SLC39A11: variants seen among roughly 807,000 people sequenced by gnomAD.
SLC39A11 encodes the protein solute carrier family 39 member 11.
SLC39A11 carries 33 observed loss-of-function variants against 36.1 expected under a neutral mutation model. The ratio of observed to expected loss-of-function variants is 0.91; its 90% CI spans 0.69 to 1.22. SLC39A11 has a LOEUF of 1.22. SLC39A11 is among the 50% of genes most tolerant of loss of function. The pLI is 0.00. For synonymous variants in SLC39A11, 166 were observed against 170.3 expected, an observed-to-expected ratio of 0.97 and a Z score of 0.20; for missense variants, 432 against 430.3, an observed-to-expected ratio of 1.00 and a Z score of -0.03.
At chr17:72,898,292 A>T (rs1009385922) in intron 5 of SLC39A11, among the ~76,000 whole-genome samples, 1 of 152,196 alleles carries the variant, frequency 6.6e-6, no homozygotes, top group African/African-American at 2.4e-5. Flanking sequence ...AAGGGGCTGG[A>T]GCATCCGAGT....
At chr17:72,702,407 A>G (rs953675671) in intron 7 of SLC39A11, among the ~76,000 whole-genome samples, 6 of 152,158 alleles carry the variant, frequency 3.9e-5, no homozygotes, top group African/African-American at 1.4e-4. Flanking sequence ...GGTTGTCACA[A>G]CTAGGGGGAA....
chr17:72,948,989 C>T (rs2085639698), intron 4 of SLC39A11, among the ~76,000 whole-genome samples: 1 of 152,022 alleles, frequency 6.6e-6, no homozygotes, highest in African/African-American at 2.4e-5. Flanking sequence ...ACTCAACCAA[C>T]TACACAAGCA....
At chr17:73,034,857 C>G (rs573901848) in intron 3 of SLC39A11, among the ~76,000 whole-genome samples, 3 of 152,276 alleles carry the variant, frequency 2.0e-5, no homozygotes, top group Non-Finnish European at 4.4e-5. Context: ...GGAGCAGGAG[C>G]AGAAGAGAAG....
At chr17:72,729,446 TATA>T (rs2074113862) in intron 7 of SLC39A11, among the ~76,000 whole-genome samples, 3 of 9,568 alleles carry the variant, frequency 3.1e-4, no homozygotes, top group African/African-American at 1.3e-3. Flanking sequence ...TATATATATA[TATA>T]TATATATATT....
At chr17:72,978,488 G>T (rs767902274) in intron 4 of SLC39A11, among the ~76,000 whole-genome samples, 6 of 152,212 alleles carry the variant, frequency 3.9e-5, no homozygotes, top group Non-Finnish European at 8.8e-5. Context: ...CACATTGTGG[G>T]GGGTCAGGGA....
chr17:72,689,661 A>T (rs893308315), intron 7 of SLC39A11, among the ~76,000 whole-genome samples: 4 of 152,214 alleles, frequency 2.6e-5, no homozygotes, highest in African/African-American at 9.6e-5. Context: ...AACCTCAAAA[A>T]CATCCATGCT....
chr17:72,676,102 A>ACACACACACACACACT (rs869131230), intron 7 of SLC39A11, among the ~76,000 whole-genome samples: 4 of 151,006 alleles, frequency 2.6e-5, no homozygotes, highest in Non-Finnish European at 5.9e-5. Context: ...ACACACACAC[A>ACACACACACACACACT]CTTGCTGTAT....
chr17:72,795,058 C>G (rs375357790), intron 6 of SLC39A11, among the ~76,000 whole-genome samples: 2 of 152,120 alleles, frequency 1.3e-5, no homozygotes, highest in East Asian at 3.8e-4. Flanking sequence ...TTTTCAGGTA[C>G]GCAGAGTATC....
chr17:72,753,440 A>G (rs1310127791), intron 6 of SLC39A11, among the ~76,000 whole-genome samples: 2 of 152,136 alleles, frequency 1.3e-5, no homozygotes, highest in Non-Finnish European at 2.9e-5. Flanking sequence ...CAATTATACG[A>G]TATGATTAAT....
chr17:72,757,630 C>T (rs2075405872), intron 6 of SLC39A11, among the ~76,000 whole-genome samples: 2 of 151,234 alleles, frequency 1.3e-5, no homozygotes, highest in South Asian at 2.1e-4. Context: ...TCACTCTATT[C>T]TCTGTCTGGC....
chr17:72,971,889 C>A (rs574152767), intron 4 of SLC39A11, among the ~76,000 whole-genome samples: 1 of 152,204 alleles, frequency 6.6e-6, no homozygotes, highest in African/African-American at 2.4e-5. Context: ...AAAGCACCTA[C>A]GGTTTGCAGA....
Position 72,649,354 on chromosome 17 carries a change from G to A in SLC39A11, c.672-86C>T, listed in dbSNP as rs78298437. On this transcript the variant is annotated intron_variant, in intron 7 of 9. Transcript: ENST00000255559. ...GTCCCTGGCCGAGGCCAAGACCTCC[G>A]TGGGTGCTAGGAAGCCAGGAGGAGA... is the stretch of plus-strand genomic sequence containing the variant. The A allele has an allele frequency of 2.5e-3, 2,989 of 1,205,356 alleles. 64 individuals are homozygous for A. The African/African-American group carries it at 0.039, about 16-fold the overall frequency. The allele number at this position is 1,205,356 out of a possible 1,614,324, so 74.7% of individuals were successfully genotyped here.
intron 5 of SLC39A11, among the ~76,000 whole-genome samples, chr17:72,853,738 C>A (rs961942798): frequency 2.6e-5 from 4 of 152,114 alleles, no homozygotes; most frequent in Non-Finnish European, 5.9e-5. Flanking sequence ...GAGTCTGCAA[C>A]AAGGAAGATT....
chr17:72,872,688 C>T (rs1214267398), intron 5 of SLC39A11, among the ~76,000 whole-genome samples: 4 of 152,112 alleles, frequency 2.6e-5, no homozygotes, highest in Non-Finnish European at 5.9e-5. Flanking sequence ...AGTCCCTTGC[C>T]AAAACTAACC....
chr17:72,655,084 C>T (rs1359779125), intron 7 of SLC39A11, among the ~76,000 whole-genome samples: 1 of 152,254 alleles, frequency 6.6e-6, no homozygotes, highest in Non-Finnish European at 1.5e-5. Flanking sequence ...CTCAGCAGGG[C>T]ATTGCATTGC....
intron 6 of SLC39A11, among the ~76,000 whole-genome samples, chr17:72,753,302 T>C (rs1009740520): frequency 6.6e-6 from 1 of 152,204 alleles, no homozygotes; most frequent in Non-Finnish European, 1.5e-5. Flanking sequence ...ACACATACCT[T>C]ACATCTTTGA....
intron 3 of SLC39A11, among the ~76,000 whole-genome samples, chr17:73,059,524 G>A (rs369108604): frequency 9.2e-5 from 14 of 151,856 alleles, no homozygotes; most frequent in East Asian, 1.9e-4. Context: ...AAAATTAGCC[G>A]GGCATGGGGG....
intron 4 of SLC39A11, among the ~76,000 whole-genome samples, chr17:72,996,262 C>T (rs774620079): frequency 2.6e-5 from 4 of 152,310 alleles, no homozygotes; most frequent in Non-Finnish European, 4.4e-5. Flanking sequence ...CCTCCGTGGC[C>T]GCTTGAACGT....
At chr17:72,880,331 G>C (rs2081128559) in intron 5 of SLC39A11, among the ~76,000 whole-genome samples, 1 of 152,188 alleles carries the variant, frequency 6.6e-6, no homozygotes, top group Admixed American at 6.5e-5. Context: ...CACTTTGGGA[G>C]GTTGAGGCAG....
Sources: allele counts gnomAD v4.1 joint callset (sites outside exome capture counted in the v4.1 genomes callset), GRCh38; gene constraint gnomAD v4.1.1; transcripts MANE v1.5; gene names NCBI Gene and HGNC (gene_info 2026-07-23, HGNC 2026-07-21).